Variants in ABI1 observed in about 807,000 individuals in gnomAD.
ABI1 encodes abl interactor 1.
In ABI1, 14 loss-of-function variants were observed where a neutral mutation model predicts 54.6. The observed-to-expected ratio is 0.26, with a 90% CI of 0.17 to 0.40. ABI1 has a LOEUF of 0.40. ABI1 is among the 10% of genes least tolerant of loss of function. The pLI, the probability that ABI1 is intolerant of heterozygous loss-of-function variation, is 1.00. For synonymous variants in ABI1, 194 were observed against 209.3 expected (o/e 0.93, Z 0.63); for missense variants, 443 against 598.3 (o/e 0.74, Z 2.71).
At chr10:26,820,560 T>C (rs2047901926) in intron 2 of ABI1, among the ~76,000 whole-genome samples, 1 of 151,086 alleles carries the variant, frequency 6.6e-6, no homozygotes, top group African/African-American at 2.4e-5. Context: ...GCATAACATA[T>C]CTAAATGTAT....
At chr10:26,818,916 G>T (rs1037234509) in intron 2 of ABI1, among the ~76,000 whole-genome samples, 1 of 151,960 alleles carries the variant, frequency 6.6e-6, no homozygotes, top group Non-Finnish European at 1.5e-5. Context: ...TTGCTTGCAC[G>T]TGGGAGGCAG....
chr10:26,772,905 T>C (rs1471935584), intron 3 of ABI1, among the ~76,000 whole-genome samples: 3 of 150,810 alleles, frequency 2.0e-5, no homozygotes, highest in African/African-American at 7.3e-5. Flanking sequence ...AAACCCCTTC[T>C]CTTGAAAAAA....
intron 2 of ABI1, among the ~76,000 whole-genome samples, chr10:26,819,218 C>G (rs11015314): frequency 2.3e-3 from 349 of 151,778 alleles, no homozygotes; most frequent in African/African-American, 8.2e-3. Flanking sequence ...GCACCCCCCC[C>G]AAAAAAAATT....
At chr10:26,787,445 T>C (rs1394911941) in intron 2 of ABI1, among the ~76,000 whole-genome samples, 1 of 152,158 alleles carries the variant, frequency 6.6e-6, no homozygotes, top group Non-Finnish European at 1.5e-5. Flanking sequence ...ACTGCAGAAT[T>C]ATTCAGGACA....
rs1454150661 is a variant in ABI1 at position 26,765,203 on chromosome 10, T to A, written c.820+15A>T. On this transcript the variant is annotated intron_variant, in intron 7 of 10. Coordinates refer to ENST00000376140, the MANE Select transcript of ABI1 (RefSeq NM_001012750.3). ...ATATTATCATGTATTAAACATAGATTAATAAATAACACACCTGGTCCAATA... is the reference window on the plus strand; with the variant it reads ...ATATTATCATGTATTAAACATAGATAAATAAATAACACACCTGGTCCAATA... 6.4e-7 allele frequency: 1 copy of A among 1,558,298 alleles called. No homozygotes were observed. Among genetic ancestry groups the A allele is most frequent in the East Asian group, 2.3e-5 (1 of 43,900 alleles).
intron 2 of ABI1, among the ~76,000 whole-genome samples, chr10:26,785,218 T>A (rs1028081030): frequency 1.3e-5 from 2 of 152,188 alleles, no homozygotes; most frequent in Non-Finnish European, 2.9e-5. Flanking sequence ...CAAGAAGGTA[T>A]AGAAATGAAG....
At position 26,767,144 on chromosome 10, in the gene ABI1, AT is replaced by A. The variant is rs552890757; in HGVS notation, c.719+1707del. 8.5e-5 allele frequency among the ~76,000 whole-genome samples: 13 copies of A among 152,360 alleles called. No individual in the cohort carries two copies. In the South Asian group the frequency reaches 2.1e-3, roughly 24 times the overall value. On this transcript the variant is annotated intron_variant, in intron 6 of 10. Coordinates refer to ENST00000376140, the MANE Select transcript of ABI1 (RefSeq NM_001012750.3). ...AACACTTAATAACTGCTTGTTGAAT[AT>A]GATTAAACTATGCTTCCACTATAGA...
chr10:26,855,208 T>C (rs1270246588), intron 1 of ABI1, among the ~76,000 whole-genome samples: 1 of 152,250 alleles, frequency 6.6e-6, no homozygotes, highest in Non-Finnish European at 1.5e-5. Flanking sequence ...TTACCATCTT[T>C]TGGTGATATA....
At chr10:26,836,080 G>A (rs10829085) in intron 1 of ABI1, among the ~76,000 whole-genome samples, 22,407 of 151,512 alleles carry the variant, frequency 0.15, 2,145 homozygotes, top group African/African-American at 0.28. Flanking sequence ...TTAATGACAT[G>A]GATAATTCTC....
intron 1 of ABI1, among the ~76,000 whole-genome samples, chr10:26,836,343 C>T (rs1210762997): frequency 6.6e-6 from 1 of 151,832 alleles, no homozygotes; most frequent in East Asian, 1.9e-4. Flanking sequence ...GAACTCCTGA[C>T]CTCAGGCAAT....
intron 1 of ABI1, among the ~76,000 whole-genome samples, chr10:26,849,602 C>A (rs2050240599): frequency 6.6e-6 from 1 of 152,178 alleles, no homozygotes; most frequent in Non-Finnish European, 1.5e-5. Context: ...ATTATTTAGA[C>A]TTGAGCATTT....
At chr10:26,846,963 C>T (rs2050030512) in intron 1 of ABI1, among the ~76,000 whole-genome samples, 1 of 152,196 alleles carries the variant, frequency 6.6e-6, no homozygotes, top group South Asian at 2.1e-4. Context: ...TTTCATGTCA[C>T]ATGTACCTTC....
chr10:26,826,194 G>A (rs1480489805), intron 1 of ABI1, among the ~76,000 whole-genome samples: 1 of 152,172 alleles, frequency 6.6e-6, no homozygotes, highest in Non-Finnish European at 1.5e-5. Context: ...AGATTGGAAA[G>A]TCAAAATTAC....
At position 26,825,756 on chromosome 10, in the gene ABI1, T is replaced by C. The variant is rs541444002; in HGVS notation, c.118-2451A>G. Among the ~76,000 whole-genome samples, 4 of 152,362 alleles carry C rather than the reference T, an allele frequency of 2.6e-5. No homozygotes were observed. In the East Asian group the frequency reaches 7.7e-4, roughly 29 times the overall value. ...AATTTATGTAATATTCCAAATCCTT[T>C]GTTGTCATTTCAACAAGGTTCACAG... On this transcript the variant is annotated intron_variant, in intron 1 of 10. Transcript: ENST00000376140.
intron 1 of ABI1, among the ~76,000 whole-genome samples, chr10:26,836,257 C>T (rs575366451): frequency 3.3e-5 from 5 of 152,030 alleles, no homozygotes; most frequent in Non-Finnish European, 5.9e-5. Context: ...GGACTACAGG[C>T]GTGCGCCACC....
At chr10:26,808,844 G>T (rs1443995290) in intron 2 of ABI1, among the ~76,000 whole-genome samples, 1 of 152,066 alleles carries the variant, frequency 6.6e-6, no homozygotes, top group Non-Finnish European at 1.5e-5. Flanking sequence ...GGGACAGGGA[G>T]GGGAGGCAGA....
intron 2 of ABI1, among the ~76,000 whole-genome samples, chr10:26,799,408 C>T (rs1450665978): frequency 1.3e-5 from 2 of 152,142 alleles, no homozygotes; most frequent in Non-Finnish European, 2.9e-5. Flanking sequence ...ATAATTTACA[C>T]TGTGCTCTTC....
chr10:26,797,423 T>A (rs1305765102), intron 2 of ABI1, among the ~76,000 whole-genome samples: 1 of 152,202 alleles, frequency 6.6e-6, no homozygotes, highest in Admixed American at 6.5e-5. Context: ...TGCACTGAAT[T>A]CCGCTTGTCA....
intron 2 of ABI1, among the ~76,000 whole-genome samples, chr10:26,817,769 C>CT (rs2047671646): frequency 2.6e-5 from 4 of 152,080 alleles, no homozygotes; most frequent in Non-Finnish European, 5.9e-5. Context: ...TTTAGATATA[C>CT]AAAAGCTGAA....
Sources: allele counts gnomAD v4.1 joint callset (sites outside exome capture counted in the v4.1 genomes callset), GRCh38; gene constraint gnomAD v4.1.1; transcripts MANE v1.5; gene names NCBI Gene and HGNC (gene_info 2026-07-23, HGNC 2026-07-21).